CCDC144A: variants seen among roughly 807,000 people sequenced by gnomAD.
CCDC144A encodes the protein coiled-coil domain containing 144A.
A neutral mutation model predicts 143.8 loss-of-function variants in CCDC144A; 41 were observed. That is an observed-to-expected ratio of 0.29 (90% confidence interval 0.22 to 0.37). The LOEUF (loss-of-function observed/expected upper bound fraction) is 0.37, where lower values mean the gene tolerates loss of function less well. Ranked by LOEUF, CCDC144A falls within the 10% of genes least tolerant of loss-of-function variation. The probability of loss-of-function intolerance (pLI) is 1.00; values close to 1 mark genes in which losing one functional copy is unlikely to be tolerated. For synonymous variants in CCDC144A, 242 were observed against 517.9 expected, an observed-to-expected ratio of 0.47 and a Z score of 7.23; for missense variants, 637 against 1,488.8, an observed-to-expected ratio of 0.43 and a Z score of 9.41.
At position 16,694,213 on chromosome 17, in the gene CCDC144A, A is replaced by G. The variant is rs568685136; in HGVS notation, c.415+1164A>G. Among the ~76,000 whole-genome samples, 3 of 151,946 alleles carry G rather than the reference A, an allele frequency of 2.0e-5. 1 individual carries two copies. The highest frequency in any genetic ancestry group is 2.0e-4 in the Admixed American group (3 of 15,242). The stretch of plus-strand genomic sequence containing the variant: ...ACTATATTACATAGTGATTTGTGTC[A>G]CTAAAAAAAAGAAATTAGTTTCAAA... On this transcript the variant is annotated intron_variant, in intron 2 of 16. Transcript: ENST00000399273.
At chr17:16,729,545 G>A (rs1913611372) in intron 9 of CCDC144A, among the ~76,000 whole-genome samples, 2 of 151,974 alleles carry the variant, frequency 1.3e-5, no homozygotes. Flanking sequence ...CTTTTGCTGT[G>A]CAGAAGCCTT....
intron 9 of CCDC144A, among the ~76,000 whole-genome samples, chr17:16,728,817 A>G (rs78640002): frequency 6.6e-6 from 1 of 152,122 alleles, no homozygotes; most frequent in Non-Finnish European, 1.5e-5. Context: ...TTAACTCCCT[A>G]TTATGAGCGA....
chr17:16,714,031 C>A (rs1385931723), intron 6 of CCDC144A, among the ~76,000 whole-genome samples: 1 of 152,102 alleles, frequency 6.6e-6, no homozygotes, highest in African/African-American at 2.4e-5. Flanking sequence ...TTTAACCTGT[C>A]AGCAATATTG....
rs552844791 is a variant in CCDC144A at position 16,711,149 on chromosome 17, A to C, written c.1579-530A>C. On this transcript the variant is annotated intron_variant, in intron 5 of 16. Coordinates refer to ENST00000399273, the MANE Select transcript of CCDC144A (RefSeq NM_001382000.1). ...CAGGATTCAAATGAAAAAAAAAAAA[A>C]AAAAAAAAACAAAAGTTAGTGGGGG... 8.5e-5 allele frequency among the ~76,000 whole-genome samples: 12 copies of C among 141,296 alleles called. 1 individual carries two copies. In the South Asian group the frequency reaches 2.5e-3, roughly 29 times the overall value. 92.7% of individuals were successfully genotyped at this position (141,296 alleles called of 152,430 possible).
chr17:16,769,744 C>T (rs981027308), intron 15 of CCDC144A, among the ~76,000 whole-genome samples: 5 of 151,826 alleles, frequency 3.3e-5, no homozygotes, highest in African/African-American at 4.8e-5. Context: ...TCATAACTTA[C>T]AATTTGGAGA....
chr17:16,732,677 T>C lies in CCDC144A; in HGVS notation c.2418+11T>C. On this transcript the variant is annotated intron_variant, in intron 11 of 16. Coordinates refer to ENST00000399273, the MANE Select transcript of CCDC144A (RefSeq NM_001382000.1). ...AAAATGAATTCTGAGGTATTTTCTT[T>C]AGTCATTTTCAAATATATTTTTGTA... The C allele has an allele frequency of 1.9e-6, 3 of 1,584,360 alleles. No homozygotes were observed. The highest frequency in any genetic ancestry group is 2.6e-6 in the Non-Finnish European group (3 of 1,169,050).
At chr17:16,749,180 T>C (rs1316425802) in intron 12 of CCDC144A, among the ~76,000 whole-genome samples, 2 of 152,194 alleles carry the variant, frequency 1.3e-5, no homozygotes, top group Admixed American at 1.3e-4. Flanking sequence ...CTCGGCGCAG[T>C]GTCAGATTGT....
chr17:16,678,751 G>GTTTT, the CCDC144A span, among the ~76,000 whole-genome samples: 132 of 77,884 alleles, frequency 1.7e-3, no homozygotes, highest in Middle Eastern at 0.011. Flanking sequence ...TGGCTAATTT[G>GTTTT]TTTTTTTTTT....
rs1432392404 is a variant in CCDC144A at position 16,691,071 on chromosome 17, C to T, written c.344+327C>T. ...CCATCCTTAAGAACTTCATGTTGGCCGAGCTCGGTGGCTCATGCCTGTAAT... is the reference window on the plus strand; with the variant it reads ...CCATCCTTAAGAACTTCATGTTGGCTGAGCTCGGTGGCTCATGCCTGTAAT... On this transcript the variant is annotated intron_variant, in intron 1 of 16. Transcript: ENST00000399273. Among the ~76,000 whole-genome samples the T allele has an allele frequency of 1.8e-4, 27 of 152,158 alleles. 1 individual carries two copies. Among genetic ancestry groups the T allele is most frequent in the Admixed American group, 1.8e-3 (27 of 15,284 alleles).
At chr17:16,725,636 GA>G (rs1250856908) in intron 8 of CCDC144A, among the ~76,000 whole-genome samples, 4 of 151,626 alleles carry the variant, frequency 2.6e-5, no homozygotes, top group African/African-American at 7.3e-5. Flanking sequence ...GAAAGAGTGG[GA>G]GGGGGGTGAG....
At chr17:16,701,137 T>C (rs1218100925) in intron 2 of CCDC144A, among the ~76,000 whole-genome samples, 2 of 152,106 alleles carry the variant, frequency 1.3e-5, no homozygotes, top group African/African-American at 2.4e-5. Flanking sequence ...CTCTGTCTTT[T>C]TATAATTTAG....
chr17:16,713,287 CT>C (rs1912554596), intron 6 of CCDC144A, among the ~76,000 whole-genome samples: 1 of 150,900 alleles, frequency 6.6e-6, no homozygotes, highest in Non-Finnish European at 1.5e-5. Flanking sequence ...TTTGTTGATC[CT>C]TGTGCTAAAA....
chr17:16,692,667 G>T (rs947163784), intron 1 of CCDC144A, among the ~76,000 whole-genome samples: 5 of 151,676 alleles, frequency 3.3e-5, no homozygotes, highest in African/African-American at 4.8e-5. Flanking sequence ...AGAATACATT[G>T]AGCCTAAGAG....
intron 12 of CCDC144A, among the ~76,000 whole-genome samples, chr17:16,757,450 C>G (rs1037785269): frequency 6.6e-6 from 1 of 152,186 alleles, no homozygotes; most frequent in Non-Finnish European, 1.5e-5. Context: ...TAGGACTCTC[C>G]TTGGTATTAG....
chr17:16,772,921 C>CAT (rs1329011373), intron 16 of CCDC144A, among the ~76,000 whole-genome samples: 8 of 152,218 alleles, frequency 5.3e-5, no homozygotes, highest in Non-Finnish European at 1.0e-4. Flanking sequence ...AACTCCAGGG[C>CAT]ATAGTCTAGT....
chr17:16,705,593 A>AT, intron 3 of CCDC144A, 194 bp downstream of exon 3: 1 of 580,210 alleles, frequency 1.7e-6, no homozygotes, highest in Non-Finnish European at 3.1e-6. Flanking sequence ...ATAACAGAGA[A>AT]TTAGGGGAAA....
At chr17:16,713,510 C>T (rs1370222646) in intron 6 of CCDC144A, among the ~76,000 whole-genome samples, 6 of 152,158 alleles carry the variant, frequency 3.9e-5, no homozygotes, top group Non-Finnish European at 7.3e-5. Context: ...CATATTTTGA[C>T]TATTACTTTG....
the CCDC144A span, among the ~76,000 whole-genome samples, chr17:16,669,987 C>A: frequency 6.6e-6 from 1 of 152,020 alleles, no homozygotes. Context: ...TCGAGACCCA[C>A]CTGACCAACA....
At chr17:16,689,707 C>G (rs1169264697), upstream of CCDC144A, 1 of 152,450 alleles carries the variant, frequency 6.6e-6, no homozygotes, top group African/African-American at 2.4e-5. Flanking sequence ...TGGTCCCTGG[C>G]TCCAGGCGCA....
Sources: gnomAD v4.1 joint callset for allele counts (sites outside exome capture counted in the v4.1 genomes callset) on GRCh38, gnomAD v4.1.1 for gene constraint, MANE v1.5 for transcripts, NCBI Gene and HGNC (gene_info 2026-07-23, HGNC 2026-07-21) for gene names.